Variants in CTNND2 observed in about 807,000 individuals in gnomAD.
CTNND2 encodes the protein catenin delta 2.
CTNND2 carries 22 observed loss-of-function variants against 144.4 expected under a neutral mutation model. The ratio of observed to expected loss-of-function variants is 0.15; its 90% CI spans 0.11 to 0.22. CTNND2 has a LOEUF of 0.22. CTNND2 is among the 10% of genes least tolerant of loss of function. The pLI is 1.00. For missense variants in CTNND2, 1,353 were observed against 1,618.8 expected (o/e 0.84, Z 2.82); for synonymous variants, 751 against 695.6 (o/e 1.08, Z -1.25).
At chr5:10,978,920 A>C (rs929546573) in intron 21 of CTNND2, among the ~76,000 whole-genome samples, 4 of 152,204 alleles carry the variant, frequency 2.6e-5, no homozygotes, top group African/African-American at 7.2e-5. Flanking sequence ...GCCATTATAG[A>C]CTGTCCTCTA....
intron 18 of CTNND2, among the ~76,000 whole-genome samples, chr5:11,006,617 C>T (rs1264719399): frequency 2.0e-5 from 3 of 152,202 alleles, no homozygotes; most frequent in Admixed American, 6.5e-5. Flanking sequence ...CAATGAGACT[C>T]GTTGGATGCT....
chr5:11,039,419 G>C (rs1744439590), intron 16 of CTNND2, among the ~76,000 whole-genome samples: 1 of 152,140 alleles, frequency 6.6e-6, no homozygotes, highest in South Asian at 2.1e-4. Context: ...CTTTCACACA[G>C]TGGACGATGG....
At chr5:11,259,558 G>C (rs1744646943) in intron 9 of CTNND2, among the ~76,000 whole-genome samples, 1 of 152,218 alleles carries the variant, frequency 6.6e-6, no homozygotes, top group Admixed American at 6.5e-5. Context: ...TCTACACAGA[G>C]AATCATGAGA....
At chr5:11,535,296 T>C (rs373472540) in intron 3 of CTNND2, among the ~76,000 whole-genome samples, 7 of 152,032 alleles carry the variant, frequency 4.6e-5, no homozygotes, top group Non-Finnish European at 1.0e-4. Context: ...TACACAAATA[T>C]ACTGCCTCCA....
At chr5:11,304,953 CT>C (rs1305717335) in intron 9 of CTNND2, among the ~76,000 whole-genome samples, 2 of 12,950 alleles carry the variant, frequency 1.5e-4, no homozygotes, top group Non-Finnish European at 4.5e-4. Context: ...TATGTGCTTC[CT>C]TGCTTGCTTG....
chr5:11,128,815 T>TAAATATATATTATATATAATATATA (rs370978805), intron 12 of CTNND2, among the ~76,000 whole-genome samples: 1 of 34,620 alleles, frequency 2.9e-5, no homozygotes, highest in Non-Finnish European at 8.7e-5. Flanking sequence ...ACAATATATA[T>TAAATATATATTATATATAATATATA]AATATATATT....
At chr5:11,096,166 A>G (rs1034910631) in intron 15 of CTNND2, among the ~76,000 whole-genome samples, 1 of 151,946 alleles carries the variant, frequency 6.6e-6, no homozygotes, top group Non-Finnish European at 1.5e-5. Flanking sequence ...CAGGCATTAT[A>G]TTATATTATA....
chr5:11,493,835 G>C (rs915992046), intron 3 of CTNND2, among the ~76,000 whole-genome samples: 4 of 151,970 alleles, frequency 2.6e-5, no homozygotes, highest in Non-Finnish European at 5.9e-5. Flanking sequence ...TTTGAATTTG[G>C]CTTTACTAAT....
intron 3 of CTNND2, among the ~76,000 whole-genome samples, chr5:11,529,343 T>C (rs1296003970): frequency 6.6e-6 from 1 of 152,256 alleles, no homozygotes; most frequent in East Asian, 1.9e-4. Context: ...AAAATTCAAA[T>C]GCTTTATAAA....
At chr5:11,657,876 A>G (rs1163934975) in intron 2 of CTNND2, among the ~76,000 whole-genome samples, 2 of 152,132 alleles carry the variant, frequency 1.3e-5, no homozygotes, top group East Asian at 1.9e-4. Flanking sequence ...TAAAAAGGAG[A>G]AAAAGAAAAA....
intron 2 of CTNND2, among the ~76,000 whole-genome samples, chr5:11,597,168 T>C (rs1779550289): frequency 6.6e-6 from 1 of 152,238 alleles, no homozygotes; most frequent in African/African-American, 2.4e-5. Context: ...TTCTAGAATT[T>C]TGAAGACTTT....
At chr5:11,811,724 T>C (rs1393283463) in intron 1 of CTNND2, among the ~76,000 whole-genome samples, 1 of 152,134 alleles carries the variant, frequency 6.6e-6, no homozygotes, top group Admixed American at 6.5e-5. Flanking sequence ...ATTTCCATAA[T>C]GGGAGATCAG....
In CTNND2 at chr5:11,369,937, A is replaced by C. The variant is rs1024427882; in HGVS notation, c.1178-5047T>G. ...GTCCCTCCGGGATTTCAGAATATAC[A>C]CAGAAGTGATTTTATGTGTACTGAA... On this transcript the variant is annotated intron_variant, in intron 7 of 21. Coordinates refer to ENST00000304623, the MANE Select transcript of CTNND2 (RefSeq NM_001332.4). 2.0e-5 allele frequency among the ~76,000 whole-genome samples: 3 copies of C among 152,232 alleles called. No homozygotes were observed. The East Asian group carries it at 5.8e-4, about 29-fold the overall frequency.
At chr5:11,448,073 T>C (rs1267407404) in intron 3 of CTNND2, among the ~76,000 whole-genome samples, 1 of 152,000 alleles carries the variant, frequency 6.6e-6, no homozygotes, top group Non-Finnish European at 1.5e-5. Flanking sequence ...GTGGAGGAAA[T>C]GAAGGTGAAG....
intron 9 of CTNND2, among the ~76,000 whole-genome samples, chr5:11,303,495 G>T (rs1372161977): frequency 6.6e-6 from 1 of 152,110 alleles, no homozygotes; most frequent in African/African-American, 2.4e-5. Context: ...CTTTCACTGG[G>T]TTGCTGAGGC....
chr5:11,175,641 A>T (rs985483095), intron 11 of CTNND2, among the ~76,000 whole-genome samples: 15 of 149,798 alleles, frequency 1.0e-4, no homozygotes, highest in African/African-American at 2.0e-4. Flanking sequence ...TTATTTATTT[A>T]TTTTTTTTGC....
At chr5:11,620,600 C>T (rs149264372) in intron 2 of CTNND2, among the ~76,000 whole-genome samples, 1,958 of 152,284 alleles carry the variant, frequency 0.013, 22 homozygotes, top group Non-Finnish European at 0.02. Context: ...GGGTGCCCCT[C>T]ATTTTGGGAA....
intron 16 of CTNND2, among the ~76,000 whole-genome samples, chr5:11,037,659 T>C (rs1744234177): frequency 6.6e-6 from 1 of 152,238 alleles, no homozygotes; most frequent in South Asian, 2.1e-4. Context: ...ATCGGGCATG[T>C]TATAGAAGCC....
chr5:11,822,170 T>C (rs1033430647), intron 1 of CTNND2, among the ~76,000 whole-genome samples: 1 of 152,268 alleles, frequency 6.6e-6, no homozygotes, highest in Non-Finnish European at 1.5e-5. Context: ...CTCAGAGATA[T>C]AAAGTTAATG....
Sources: gnomAD v4.1 joint callset for allele counts (sites outside exome capture counted in the v4.1 genomes callset) on GRCh38, gnomAD v4.1.1 for gene constraint, MANE v1.5 for transcripts, NCBI Gene and HGNC (gene_info 2026-07-23, HGNC 2026-07-21) for gene names.